Variants in MYRFL observed in about 807,000 individuals in gnomAD.
The protein encoded by MYRFL is myelin regulatory factor-like protein.
In MYRFL, 88 loss-of-function variants were observed where a neutral mutation model predicts 109.4. The observed-to-expected ratio is 0.80, with a 90% CI of 0.68 to 0.96. MYRFL has a LOEUF of 0.96. MYRFL is among the 40% of genes least tolerant of loss of function. MYRFL has a pLI of 0.00. For missense variants in MYRFL, 957 were observed against 954.9 expected (o/e 1.00, Z -0.03); for synonymous variants, 324 against 320.9 (o/e 1.01, Z -0.10).
intron 11 of MYRFL, among the ~76,000 whole-genome samples, chr12:69,908,799 G>A (rs1954460967): frequency 6.6e-6 from 1 of 152,122 alleles, no homozygotes; most frequent in Admixed American, 6.5e-5. Flanking sequence ...GTGCAGGTTT[G>A]TTACATAGGT....
intron 20 of MYRFL, 102 bp downstream of exon 20, chr12:69,952,277 G>A (rs1955996602): frequency 9.7e-7 from 1 of 1,030,624 alleles, no homozygotes; most frequent in Non-Finnish European, 1.5e-6. Context: ...GACAAAGGCT[G>A]CAGCCTGCCT....
chr12:69,918,593 GCTTA>G (rs1186746496), intron 13 of MYRFL, among the ~76,000 whole-genome samples: 7 of 152,118 alleles, frequency 4.6e-5, no homozygotes, highest in African/African-American at 1.2e-4. Context: ...AGTGCTTGAG[GCTTA>G]CTGTTTCTCT....
At chr12:69,844,898 C>T (rs1013870804) in intron 1 of MYRFL, among the ~76,000 whole-genome samples, 7 of 152,220 alleles carry the variant, frequency 4.6e-5, no homozygotes, top group Middle Eastern at 6.8e-3. Flanking sequence ...CCACAAGCAA[C>T]CAGAATGACC....
intron 12 of MYRFL, 83 bp from the exon 13 acceptor site, chr12:69,910,738 A>C: frequency 1.1e-6 from 1 of 931,352 alleles, no homozygotes; most frequent in Non-Finnish European, 1.6e-6. Flanking sequence ...AATGTATTGT[A>C]GATCAAAGCA....
At chr12:69,826,828 TC>T (rs1360656372) in intron 1 of MYRFL, among the ~76,000 whole-genome samples, 5 of 152,142 alleles carry the variant, frequency 3.3e-5, no homozygotes, top group Non-Finnish European at 1.5e-5. Context: ...CAGCTAATTG[TC>T]AATTTTTTCT....
At chr12:69,895,330 C>G (rs949170089) in intron 8 of MYRFL, 41 bp from the exon 9 acceptor site, 17 of 1,400,378 alleles carry the variant, frequency 1.2e-5, no homozygotes, top group African/African-American at 4.3e-5. Flanking sequence ...TTGGTGTTCT[C>G]TTATAGTCTC....
At chr12:69,945,091 G>C (rs747243557) in intron 19 of MYRFL, among the ~76,000 whole-genome samples, 2 of 152,114 alleles carry the variant, frequency 1.3e-5, no homozygotes, top group African/African-American at 4.8e-5. Flanking sequence ...TGTGTTTTAA[G>C]CTAAGTGTTA....
At chr12:69,913,381 C>G (rs1252832302) in intron 13 of MYRFL, among the ~76,000 whole-genome samples, 1 of 152,128 alleles carries the variant, frequency 6.6e-6, no homozygotes, top group African/African-American at 2.4e-5. Flanking sequence ...ATTGCCAAAT[C>G]CAATATTGTA....
intron 1 of MYRFL, among the ~76,000 whole-genome samples, chr12:69,848,743 G>A (rs1217294798): frequency 1.3e-5 from 2 of 152,124 alleles, no homozygotes; most frequent in Non-Finnish European, 2.9e-5. Flanking sequence ...TGGGATGCTA[G>A]TGCCTTTAGC....
intron 1 of MYRFL, among the ~76,000 whole-genome samples, chr12:69,847,857 C>A (rs1883648454): frequency 6.6e-6 from 1 of 152,070 alleles, no homozygotes; most frequent in Admixed American, 6.6e-5. Flanking sequence ...TTCATGTAGT[C>A]TGAAAAAATC....
At chr12:69,894,494 G>A (rs1887103182) in intron 8 of MYRFL, among the ~76,000 whole-genome samples, 1 of 152,064 alleles carries the variant, frequency 6.6e-6, no homozygotes, top group Non-Finnish European at 1.5e-5. Flanking sequence ...ATAAATTATG[G>A]CTAGATCTTT....
At chr12:69,952,080 C>T (rs973537183) in intron 19 of MYRFL, 33 bp from the exon 20 acceptor site, 2 of 1,528,738 alleles carry the variant, frequency 1.3e-6, no homozygotes. Flanking sequence ...CCTGAACAAG[C>T]CTTCAAGATT....
intron 5 of MYRFL, among the ~76,000 whole-genome samples, chr12:69,882,296 C>CA (rs553679940): frequency 6.8e-6 from 1 of 147,014 alleles, no homozygotes; most frequent in South Asian, 2.2e-4. Context: ...TTCCCAAGGC[C>CA]AAAAAAAGAA....
intron 5 of MYRFL, among the ~76,000 whole-genome samples, chr12:69,880,951 G>T (rs868580085): frequency 0.014 from 1,544 of 112,528 alleles, 37 homozygotes; most frequent in Middle Eastern, 0.031. Context: ...CAGCCTTCCT[G>T]TTTTTTTTTT....
At position 69,932,502 on chromosome 12, in the gene MYRFL, C is replaced by A. The variant is rs1334653023; in HGVS notation, c.1831-11C>A. ...TAATTTATCACTGCTCATTACTGAA[C>A]CTTTTTATAGGTTTATTTTTCAGGA... On this transcript the variant is annotated splice_polypyrimidine_tract_variant and intron_variant, in intron 15 of 24. Transcript: ENST00000552032. The A allele has an allele frequency of 2.6e-6, 4 of 1,530,202 alleles. No homozygotes were observed. The highest frequency in any genetic ancestry group is 2.7e-5 in the African/African-American group (2 of 72,934). The allele number at this position is 1,530,202 out of a possible 1,614,324, so 94.8% of individuals were successfully genotyped here.
chr12:69,857,307 G>T (rs956448125), intron 2 of MYRFL, among the ~76,000 whole-genome samples: 3 of 151,688 alleles, frequency 2.0e-5, no homozygotes. Context: ...TTTATTATAA[G>T]CCTTAAAATA....
intron 16 of MYRFL, among the ~76,000 whole-genome samples, chr12:69,932,881 G>GTGTT (rs1172284408): frequency 6.8e-6 from 1 of 146,074 alleles, no homozygotes. Flanking sequence ...GTGTGTGTGT[G>GTGTT]TTTGTGTGTG....
Position 69,924,824 on chromosome 12 carries a change from G to A in MYRFL, c.1603-1747G>A, listed in dbSNP as rs1955023342. On this transcript the variant is annotated intron_variant, in intron 13 of 24. Transcript: ENST00000552032. ...GGTAAGTTTTCTTGAAGCAAACATA[G>A]GCCTCAGAAATCAAGCTTTTGGTCA... is the stretch of plus-strand genomic sequence containing the variant. Among the ~76,000 whole-genome samples the A allele has an allele frequency of 2.0e-5, 3 of 152,188 alleles. No individual in the cohort carries two copies. In the South Asian group the frequency reaches 6.2e-4, roughly 32 times the overall value.
chr12:69,948,724 A>G lies in MYRFL; in HGVS notation c.2225-3389A>G, dbSNP rs139361623. 6.0e-4 allele frequency among the ~76,000 whole-genome samples: 91 copies of G among 152,300 alleles called. 1 individual carries two copies. In the East Asian group the frequency reaches 0.014, roughly 24 times the overall value. On this transcript the variant is annotated intron_variant, in intron 19 of 24. Coordinates refer to ENST00000552032, the MANE Select transcript of MYRFL (RefSeq NM_182530.3). ...ACTTGTAAAGGAAAATAAATATTCA[A>G]TTTTCTAGAAACTCCTCATATATCA...
Sources: gnomAD v4.1 joint callset for allele counts (sites outside exome capture counted in the v4.1 genomes callset) on GRCh38, gnomAD v4.1.1 for gene constraint, MANE v1.5 for transcripts, NCBI Gene and HGNC (gene_info 2026-07-23, HGNC 2026-07-21) for gene names.